The following MET variants were observed in gnomAD, a reference collection of about 807,000 sequenced individuals.
MET encodes the protein MET proto-oncogene, receptor tyrosine kinase.
Under a neutral mutation model 133.1 loss-of-function variants are expected in MET, and 48 were observed. The observed-to-expected ratio is 0.36, with a 90% CI of 0.29 to 0.46. The LOEUF is 0.46. Among genes scored for constraint, MET ranks in the 20% least tolerant of loss-of-function variants. The pLI is 1.00. For synonymous variants in MET, 628 were observed against 616.5 expected (o/e 1.02, Z -0.28); for missense variants, 1,442 against 1,695.9 (o/e 0.85, Z 2.63).
At chr7:116,746,278 C>A (rs759857869) in intron 5 of MET, among the ~76,000 whole-genome samples, 1 of 152,200 alleles carries the variant, frequency 6.6e-6, no homozygotes, top group Non-Finnish European at 1.5e-5. Context: ...AGTCAGGAAA[C>A]AATATGTGCT....
rs371130084 is a variant in MET at position 116,722,610 on chromosome 7, C to T, written c.1201-9058C>T. On this transcript the variant is annotated intron_variant, in intron 2 of 20. Transcript: ENST00000397752. ...TTTACATTTTGGCATGATTTTGCAG[C>T]GGCTGGTACCGGTTGTTCCTTTCCA... Among the ~76,000 whole-genome samples, 409 of 150,434 alleles carry T rather than the reference C, an allele frequency of 2.7e-3. 11 individuals carry two copies. The South Asian group carries it at 0.077, about 28-fold the overall frequency.
At chr7:116,743,355 G>T (rs1395279142) in intron 5 of MET, among the ~76,000 whole-genome samples, 4 of 152,136 alleles carry the variant, frequency 2.6e-5, no homozygotes, top group African/African-American at 7.2e-5. Flanking sequence ...CCCCAGTGGT[G>T]CCTGGAATGC....
chr7:116,792,736 C>T (rs1759371114), intron 19 of MET, among the ~76,000 whole-genome samples: 1 of 152,214 alleles, frequency 6.6e-6, no homozygotes, highest in African/African-American at 2.4e-5. Flanking sequence ...AATTACCCAA[C>T]TCCATCCCCC....
intron 1 of MET, among the ~76,000 whole-genome samples, chr7:116,676,615 C>G (rs1390517780): frequency 1.3e-5 from 2 of 152,006 alleles, no homozygotes; most frequent in African/African-American, 2.4e-5. Context: ...TAGTGACTGT[C>G]AAGGATAAGA....
At chr7:116,775,583 T>C (rs1794969355) in intron 15 of MET, among the ~76,000 whole-genome samples, 1 of 151,968 alleles carries the variant, frequency 6.6e-6, no homozygotes, top group Non-Finnish European at 1.5e-5. Flanking sequence ...GCGGGTGCCT[T>C]TAATCCCAAC....
At position 116,672,446 on chromosome 7, in the gene MET, T is replaced by C. The variant is rs1192157862; in HGVS notation, c.-146T>C. On this transcript the variant is annotated 5_prime_UTR_variant, in exon 1 of 21. An upstream start codon of the reference 5' UTR is lost. Transcript: ENST00000397752. Reference sequence around the variant, plus strand: ...GCGCCCCGAGCGCTTTGTGAGCAGATGCGGAGCCGAGTGGAGGGCGCGAGC... The same window carrying C: ...GCGCCCCGAGCGCTTTGTGAGCAGACGCGGAGCCGAGTGGAGGGCGCGAGC... 1 of 396,912 alleles carries C rather than the reference T, an allele frequency of 2.5e-6. No individual in the cohort carries two copies. The highest frequency in any genetic ancestry group is 3.6e-5 in the East Asian group (1 of 27,926). 24.6% of individuals were successfully genotyped at this position (396,912 alleles called of 1,614,324 possible).
At chr7:116,736,133 G>A (rs1793202303) in intron 3 of MET, among the ~76,000 whole-genome samples, 1 of 152,024 alleles carries the variant, frequency 6.6e-6, no homozygotes, top group Non-Finnish European at 1.5e-5. Context: ...AATTTCTTTT[G>A]TGTAAGAAAG....
chr7:116,770,238 T>G (rs1247345002), intron 12 of MET, among the ~76,000 whole-genome samples: 1 of 152,144 alleles, frequency 6.6e-6, no homozygotes, highest in Non-Finnish European at 1.5e-5. Flanking sequence ...TACAGTAACT[T>G]TTTTCGTGTA....
intron 5 of MET, among the ~76,000 whole-genome samples, chr7:116,742,037 G>T (rs1158751400): frequency 6.6e-6 from 1 of 152,190 alleles, no homozygotes; most frequent in African/African-American, 2.4e-5. Flanking sequence ...TGAGAACCCA[G>T]TGTGTATTTT....
At chr7:116,734,826 T>A (rs1442702228) in intron 3 of MET, among the ~76,000 whole-genome samples, 1 of 152,134 alleles carries the variant, frequency 6.6e-6, no homozygotes, top group Non-Finnish European at 1.5e-5. Flanking sequence ...CACAGCTACG[T>A]GGGAGAGGGA....
chr7:116,796,698 T>A lies in MET; in HGVS notation c.*574T>A. 1 of 216,158 alleles carries A rather than the reference T, an allele frequency of 4.6e-6. No individual in the cohort carries two copies. Among genetic ancestry groups the A allele is most frequent in the Non-Finnish European group, 9.4e-6 (1 of 105,920 alleles). 13.4% of individuals were successfully genotyped at this position (216,158 alleles called of 1,614,324 possible). A position where few individuals can be genotyped will look rare whatever the true frequency, so the allele number is the denominator to read the frequency against. On this transcript the variant is annotated 3_prime_UTR_variant, in exon 21 of 21. Transcript: ENST00000397752. ...TTGCCAGGGCTGTAGTGCAGTGGTG[T>A]GATCATAGCTCACTGCAACCTCCAC...
At position 116,772,007 on chromosome 7, in the gene MET, G is replaced by A. The variant is rs1157997355; in HGVS notation, c.3028+18G>A. On this transcript the variant is annotated intron_variant, in intron 14 of 20. Coordinates refer to ENST00000397752, the MANE Select transcript of MET (RefSeq NM_000245.4). ...TCCAGAAGGTATATTTCAGTTTATTGTTCTGAGAAATACCTATACATATAC... is the reference window on the plus strand; with the variant it reads ...TCCAGAAGGTATATTTCAGTTTATTATTCTGAGAAATACCTATACATATAC... The A allele has an allele frequency of 6.2e-7, 1 of 1,613,076 alleles. No homozygotes were observed. Among genetic ancestry groups the A allele is most frequent in the Non-Finnish European group, 8.5e-7 (1 of 1,179,390 alleles).
chr7:116,676,195 G>A (rs753557906), intron 1 of MET, among the ~76,000 whole-genome samples: 1 of 152,192 alleles, frequency 6.6e-6, no homozygotes, highest in Non-Finnish European at 1.5e-5. Context: ...GTATGTTTAT[G>A]TAGGTTACTC....
At chr7:116,685,897 G>T (rs531085006) in intron 1 of MET, among the ~76,000 whole-genome samples, 2 of 151,984 alleles carry the variant, frequency 1.3e-5, no homozygotes, top group East Asian at 3.9e-4. Context: ...GATGGAGTTC[G>T]ATCTGAGGCA....
intron 14 of MET, among the ~76,000 whole-genome samples, chr7:116,774,085 G>T (rs1349269997): frequency 6.6e-6 from 1 of 152,102 alleles, no homozygotes; most frequent in South Asian, 2.1e-4. Flanking sequence ...AAGAGAAAGG[G>T]AAAGTGGAAA....
chr7:116,746,671 A>G (rs1562913803), intron 5 of MET, among the ~76,000 whole-genome samples: 2 of 152,054 alleles, frequency 1.3e-5, no homozygotes, highest in South Asian at 2.1e-4. Context: ...TGAGCAAACT[A>G]TCGCAAGAAC....
chr7:116,748,406 G>A (rs1424516651), intron 5 of MET, among the ~76,000 whole-genome samples: 4 of 152,180 alleles, frequency 2.6e-5, no homozygotes, highest in Admixed American at 2.0e-4. Context: ...AAATAAATAA[G>A]TTCTTTGAAA....
At chr7:116,726,173 A>ACACACAC (rs1584908047) in intron 2 of MET, among the ~76,000 whole-genome samples, 1 of 125,702 alleles carries the variant, frequency 8.0e-6, no homozygotes, top group African/African-American at 3.0e-5. Context: ...ATATATATAT[A>ACACACAC]TATATGGGAT....
At chr7:116,704,474 T>G (rs1791708927) in intron 2 of MET, among the ~76,000 whole-genome samples, 1 of 152,142 alleles carries the variant, frequency 6.6e-6, no homozygotes, top group Non-Finnish European at 1.5e-5. Flanking sequence ...CAGCTATTAT[T>G]GTAAGGAATA....
Sources: gnomAD v4.1 joint callset for allele counts (sites outside exome capture counted in the v4.1 genomes callset) on GRCh38, gnomAD v4.1.1 for gene constraint, MANE v1.5 for transcripts, NCBI Gene and HGNC (gene_info 2026-07-23, HGNC 2026-07-21) for gene names.